Variants in TMED3 observed in about 807,000 individuals in gnomAD.
TMED3 encodes transmembrane emp24 domain-containing protein 3.
TMED3 carries 9 observed loss-of-function variants against 15.0 expected under a neutral mutation model. The ratio of observed to expected loss-of-function variants is 0.60; its 90% CI spans 0.36 to 1.04. TMED3 has a LOEUF of 1.04. Ranked by LOEUF, TMED3 falls within the 50% of genes least tolerant of loss-of-function variation. TMED3 has a pLI of 0.01. For missense variants in TMED3, 267 were observed against 278.9 expected, an observed-to-expected ratio of 0.96 and a Z score of 0.30; for synonymous variants, 117 against 121.4, an observed-to-expected ratio of 0.96 and a Z score of 0.24.
downstream of TMED3, among the ~76,000 whole-genome samples, chr15:79,323,316 A>G (rs1254001575): frequency 6.6e-6 from 1 of 152,168 alleles, no homozygotes; most frequent in Non-Finnish European, 1.5e-5. Flanking sequence ...ATCAAATCTG[A>G]AATCCTGCAC....
chr15:79,376,264 C>G (rs1166299581), intron 2 of TMED3, among the ~76,000 whole-genome samples: 1 of 152,146 alleles, frequency 6.6e-6, no homozygotes, highest in African/African-American at 2.4e-5. Context: ...TTTGTATAAA[C>G]CATGCTATGA....
At chr15:79,359,811 A>G (rs1893088752) in intron 2 of TMED3, among the ~76,000 whole-genome samples, 1 of 152,206 alleles carries the variant, frequency 6.6e-6, no homozygotes, top group Non-Finnish European at 1.5e-5. Context: ...CCTTATTATT[A>G]TACATGCCTG....
chr15:79,326,016 C>G (rs949804328), downstream of TMED3, among the ~76,000 whole-genome samples: 1 of 152,136 alleles, frequency 6.6e-6, no homozygotes, highest in Non-Finnish European at 1.5e-5. Context: ...CAGACACACC[C>G]AGAAACAATA....
At chr15:79,337,765 C>G (rs2058832408) in intron 2 of TMED3, among the ~76,000 whole-genome samples, 1 of 152,216 alleles carries the variant, frequency 6.6e-6, no homozygotes, top group African/African-American at 2.4e-5. Flanking sequence ...TGAGGATGAG[C>G]AGACCACATG....
At chr15:79,382,922 C>A in intron 2 of TMED3, 1 of 1,520,794 alleles carries the variant, frequency 6.6e-7, no homozygotes, top group Non-Finnish European at 8.8e-7. Flanking sequence ...TTCCCATTGA[C>A]AAAGTCAATT....
intron 2 of TMED3, among the ~76,000 whole-genome samples, chr15:79,379,601 TAAG>T (rs1455716823): frequency 6.6e-6 from 1 of 152,196 alleles, no homozygotes; most frequent in African/African-American, 2.4e-5. Context: ...ATTTGTTCTT[TAAG>T]AAGCTAGGTA....
At chr15:79,328,425 C>G (rs2058795301) in intron 2 of TMED3, among the ~76,000 whole-genome samples, 2 of 152,162 alleles carry the variant, frequency 1.3e-5, no homozygotes, top group South Asian at 4.1e-4. Flanking sequence ...ATCTATTCCC[C>G]TGACTTCTAT....
chr15:79,384,525 G>A (rs935064900), intron 2 of TMED3: 1 of 152,234 alleles, frequency 6.6e-6, no homozygotes, highest in Non-Finnish European at 1.5e-5. Context: ...ATGCCAAGAG[G>A]CACAGACTAT....
chr15:79,349,464 C>A (rs1040389103), intron 2 of TMED3, among the ~76,000 whole-genome samples: 2 of 151,874 alleles, frequency 1.3e-5, no homozygotes, highest in African/African-American at 4.8e-5. Context: ...TCATTCATGT[C>A]CCTCTTTTTC....
intron 2 of TMED3, among the ~76,000 whole-genome samples, chr15:79,353,942 G>A (rs1443661197): frequency 6.6e-6 from 1 of 152,022 alleles, no homozygotes; most frequent in East Asian, 1.9e-4. Flanking sequence ...TCCTTGTCTA[G>A]ACAATTATGA....
At chr15:79,323,511 G>T (rs1406138747), downstream of TMED3, among the ~76,000 whole-genome samples, 1 of 152,114 alleles carries the variant, frequency 6.6e-6, no homozygotes, top group African/African-American at 2.4e-5. Flanking sequence ...GGTTACTTAT[G>T]AAATATGTCT....
rs372770149 is a variant in TMED3, at chr15:79,337,014, T to A, written c.417+23009T>A. 4.6e-5 allele frequency among the ~76,000 whole-genome samples: 7 copies of A among 152,324 alleles called. No individual in the cohort carries two copies. In the East Asian group the frequency reaches 7.7e-4, roughly 17 times the overall value. On this transcript the variant is annotated intron_variant, in intron 2 of 2. Coordinates refer to the TMED3 transcript ENST00000424155. ...TGGACCCTGGTGGAACAGGCCTCAC[T>A]ACTACCAAGCCTGTATGTGAACTGA... is the stretch of plus-strand genomic sequence containing the variant.
chr15:79,347,164 C>T (rs1414023140), intron 2 of TMED3, among the ~76,000 whole-genome samples: 1 of 152,086 alleles, frequency 6.6e-6, no homozygotes, highest in Non-Finnish European at 1.5e-5. Flanking sequence ...AGCAGCACAT[C>T]AAAAAGCTTA....
chr15:79,333,739 A>G (rs557302620), intron 2 of TMED3, among the ~76,000 whole-genome samples: 10 of 151,950 alleles, frequency 6.6e-5, no homozygotes, highest in Non-Finnish European at 1.5e-4. Flanking sequence ...TTCAATATAG[A>G]CTCCTGGTGG....
chr15:79,392,023 G>A (rs1238846272), intron 2 of TMED3, among the ~76,000 whole-genome samples: 1 of 152,088 alleles, frequency 6.6e-6, no homozygotes, highest in African/African-American at 2.4e-5. Flanking sequence ...TTGTTGGTGA[G>A]TTCTTATCCA....
chr15:79,341,476 TTC>T (rs1426414328), intron 2 of TMED3, among the ~76,000 whole-genome samples: 1 of 152,180 alleles, frequency 6.6e-6, no homozygotes, highest in African/African-American at 2.4e-5. Context: ...GAGCTTGAGC[TTC>T]ATCCTTTGAC....
intron 2 of TMED3, among the ~76,000 whole-genome samples, chr15:79,391,415 T>C (rs1192170868): frequency 6.6e-6 from 1 of 152,156 alleles, no homozygotes; most frequent in Non-Finnish European, 1.5e-5. Flanking sequence ...CCAGTTTTAT[T>C]CCACTGTGGT....
chr15:79,364,050 A>G (rs1167009644), intron 2 of TMED3, among the ~76,000 whole-genome samples: 1 of 152,234 alleles, frequency 6.6e-6, no homozygotes, highest in African/African-American at 2.4e-5. Context: ...AGGAAAAATT[A>G]GGCATGCGGA....
At chr15:79,314,546 C>G (rs1292690343) in intron 2 of TMED3, 1 of 455,760 alleles carries the variant, frequency 2.2e-6, no homozygotes, top group Non-Finnish European at 4.4e-6. Context: ...CTTAGGGCTT[C>G]AGGGTCTTCT....
Sources: allele counts gnomAD v4.1 joint callset (sites outside exome capture counted in the v4.1 genomes callset), GRCh38; gene constraint gnomAD v4.1.1; transcripts MANE v1.5; gene names NCBI Gene and HGNC (gene_info 2026-07-23, HGNC 2026-07-21).